Variants in POU6F2 observed in about 807,000 individuals in gnomAD.
POU6F2 encodes POU class 6 homeobox 2, also known as POU domain, class 6, transcription factor 2.
In POU6F2, 31 loss-of-function variants were observed where a neutral mutation model predicts 71.3. That is an observed-to-expected ratio of 0.43 (90% CI 0.33 to 0.59). POU6F2 has a LOEUF of 0.59. POU6F2 is among the 20% of genes least tolerant of loss of function. POU6F2 has a pLI of 0.04. For missense variants in POU6F2, 783 were observed against 856.8 expected (o/e 0.91, Z 1.07); for synonymous variants, 347 against 355.7 (o/e 0.98, Z 0.27).
At chr7:39,353,409 C>T (rs575188200) in intron 5 of POU6F2, among the ~76,000 whole-genome samples, 85 of 152,292 alleles carry the variant, frequency 5.6e-4, no homozygotes, top group African/African-American at 1.9e-3. Context: ...TACATGTGAA[C>T]GACAAATCCT....
At chr7:39,322,405 A>G (rs781611191) in intron 4 of POU6F2, among the ~76,000 whole-genome samples, 6 of 152,286 alleles carry the variant, frequency 3.9e-5, no homozygotes, top group East Asian at 1.9e-4. Context: ...CTCTTAATCC[A>G]TGTGCTCTAT....
chr7:39,195,831 C>G (rs1793777203), intron 2 of POU6F2, among the ~76,000 whole-genome samples: 1 of 152,108 alleles, frequency 6.6e-6, no homozygotes, highest in South Asian at 2.1e-4. Flanking sequence ...CTTGCCATTT[C>G]CACATCACAG....
At chr7:39,303,134 T>A (rs1459366009) in intron 4 of POU6F2, among the ~76,000 whole-genome samples, 1 of 152,108 alleles carries the variant, frequency 6.6e-6, no homozygotes, top group African/African-American at 2.4e-5. Context: ...GTGTATTGCT[T>A]TATGTTTTTG....
intron 5 of POU6F2, 58 bp from the exon 6 acceptor site, chr7:39,406,542 C>G: frequency 6.3e-7 from 1 of 1,582,448 alleles, no homozygotes; most frequent in Non-Finnish European, 8.6e-7. Flanking sequence ...ATGTTGTGTC[C>G]GTGTGCTGTG....
intron 2 of POU6F2, among the ~76,000 whole-genome samples, chr7:39,166,474 A>G (rs1174354677): frequency 6.6e-6 from 1 of 152,196 alleles, no homozygotes; most frequent in Non-Finnish European, 1.5e-5. Context: ...AATGTTCTCT[A>G]AGACACTGAT....
intron 2 of POU6F2, among the ~76,000 whole-genome samples, chr7:39,128,767 C>G (rs1234493805): frequency 6.6e-6 from 1 of 152,192 alleles, no homozygotes; most frequent in Non-Finnish European, 1.5e-5. Flanking sequence ...GGCAGTCTGG[C>G]AGCCAGATAG....
At chr7:39,327,113 A>G (rs1458265463) in intron 4 of POU6F2, among the ~76,000 whole-genome samples, 5 of 152,180 alleles carry the variant, frequency 3.3e-5, no homozygotes, top group East Asian at 1.9e-4. Context: ...CCCCGTCTCT[A>G]CTAAAAATAC....
chr7:38,989,232 C>T (rs1234389044), intron 1 of POU6F2, among the ~76,000 whole-genome samples: 5 of 152,022 alleles, frequency 3.3e-5, no homozygotes, highest in Non-Finnish European at 7.4e-5. Context: ...AAGTTATTTT[C>T]ACAAATAAGT....
chr7:39,360,664 A>G (rs1210196825), intron 5 of POU6F2, among the ~76,000 whole-genome samples: 2 of 152,228 alleles, frequency 1.3e-5, no homozygotes, highest in African/African-American at 2.4e-5. Context: ...TTAAGAAAGT[A>G]AAGAATGAAA....
chr7:39,128,636 G>A (rs1214806886), intron 2 of POU6F2, among the ~76,000 whole-genome samples: 4 of 152,176 alleles, frequency 2.6e-5, no homozygotes, highest in Non-Finnish European at 4.4e-5. Context: ...TATCAGTGAC[G>A]AATGTGCACA....
chr7:39,449,332 A>C (rs931530264), intron 7 of POU6F2, among the ~76,000 whole-genome samples: 2 of 152,234 alleles, frequency 1.3e-5, no homozygotes, highest in African/African-American at 4.8e-5. Context: ...GGGGACCAGA[A>C]GGGGAAATAG....
intron 4 of POU6F2, among the ~76,000 whole-genome samples, chr7:39,224,553 G>A (rs538032470): frequency 6.6e-6 from 1 of 152,224 alleles, no homozygotes; most frequent in Admixed American, 6.5e-5. Context: ...CACGTTCAGG[G>A]GTTCCACTCC....
chr7:39,262,812 GA>G (rs1302750668), intron 4 of POU6F2, among the ~76,000 whole-genome samples: 1 of 152,106 alleles, frequency 6.6e-6, no homozygotes, highest in Non-Finnish European at 1.5e-5. Flanking sequence ...AAATGCATTG[GA>G]ACCTATAACA....
chr7:39,448,304 C>A (rs1788572664), intron 7 of POU6F2, among the ~76,000 whole-genome samples: 1 of 152,196 alleles, frequency 6.6e-6, no homozygotes, highest in Non-Finnish European at 1.5e-5. Context: ...CACATTTACA[C>A]TGGCAATTGG....
In POU6F2 at chr7:39,179,537, A is replaced by ATGCGCG. The variant is rs1562735622; in HGVS notation, c.278-24698_278-24697insTGCGCG. 1.1e-3 allele frequency among the ~76,000 whole-genome samples: 165 copies of ATGCGCG among 152,336 alleles called. 1 individual carries two copies. The South Asian group carries it at 0.032, about 29-fold the overall frequency. On this transcript the variant is annotated intron_variant, in intron 2 of 9. Transcript: ENST00000518318. ...ACCGCACGCGCGCACATGCGCGCACACACACACACACACGCACACAGTCTA... is the reference window on the plus strand; with the variant it reads ...ACCGCACGCGCGCACATGCGCGCACATGCGCGCACACACACACACGCACACAGTCTA...
chr7:39,222,545 C>A (rs531276230), intron 4 of POU6F2, among the ~76,000 whole-genome samples: 1 of 152,256 alleles, frequency 6.6e-6, no homozygotes, highest in South Asian at 2.1e-4. Context: ...AACTCTGTAC[C>A]CATTAAAACA....
At chr7:39,225,003 A>G (rs953259390) in intron 4 of POU6F2, among the ~76,000 whole-genome samples, 1 of 152,214 alleles carries the variant, frequency 6.6e-6, no homozygotes, top group Non-Finnish European at 1.5e-5. Flanking sequence ...GAGAACTCCA[A>G]CCACTTCTCA....
At chr7:39,385,391 A>G (rs926298345) in intron 5 of POU6F2, among the ~76,000 whole-genome samples, 5 of 152,328 alleles carry the variant, frequency 3.3e-5, no homozygotes, top group South Asian at 2.1e-4. Context: ...TGAATAAGAC[A>G]TGGTCTCTGC....
intron 5 of POU6F2, among the ~76,000 whole-genome samples, chr7:39,387,230 A>G (rs1786964289): frequency 6.6e-6 from 1 of 152,244 alleles, no homozygotes; most frequent in African/African-American, 2.4e-5. Flanking sequence ...CCATCGTGCC[A>G]TCTTTGAAAT....
Sources: allele counts gnomAD v4.1 joint callset (sites outside exome capture counted in the v4.1 genomes callset), GRCh38; gene constraint gnomAD v4.1.1; transcripts MANE v1.5; gene names NCBI Gene and HGNC (gene_info 2026-07-23, HGNC 2026-07-21).